Variants in PCDHGB7 observed in about 807,000 individuals in gnomAD.
PCDHGB7 encodes the protein protocadherin gamma subfamily B, 7.
A neutral mutation model predicts 61.4 loss-of-function variants in PCDHGB7; 37 were observed. The ratio of observed to expected loss-of-function variants is 0.60; its 90% CI spans 0.46 to 0.79. The LOEUF is 0.79. PCDHGB7 is among the 30% of genes least tolerant of loss of function. PCDHGB7 has a pLI of 0.00. For synonymous variants in PCDHGB7, 464 were observed against 503.5 expected (o/e 0.92, Z 1.05); for missense variants, 1,166 against 1,202.5 (o/e 0.97, Z 0.45).
intron 3 of PCDHGB7, among the ~76,000 whole-genome samples, chr5:141,510,518 GC>G (rs2099881500): frequency 6.6e-6 from 1 of 152,112 alleles, no homozygotes; most frequent in Non-Finnish European, 1.5e-5. Context: ...CCGTGTCACA[GC>G]CCTGAGAGAA....
chr5:141,494,142 A>G (rs2099752161), intron 1 of PCDHGB7, among the ~76,000 whole-genome samples: 1 of 152,090 alleles, frequency 6.6e-6, no homozygotes, highest in South Asian at 2.1e-4. Context: ...TTAGTCACAG[A>G]CCATTGTCTG....
Position 141,487,781 on chromosome 5 carries a change from G to T in PCDHGB7, c.2416-7026G>T. ...AGACGCTGTGCTTTGTAACTGTTTC[G>T]TGAATTAACCAGAGTTGTCACAGTT... On this transcript the variant is annotated intron_variant, in intron 1 of 3. Transcript: ENST00000398594. This position sits in a 1 kb window ranked among gnomAD's most constrained non-coding sequence, Gnocchi z 5.0. 2 of 1,526,850 alleles carry T rather than the reference G, an allele frequency of 1.3e-6. No homozygotes were observed. The highest frequency in any genetic ancestry group is 8.8e-7 in the Non-Finnish European group (1 of 1,130,880). The allele number at this position is 1,526,850 out of a possible 1,614,324, so 94.6% of individuals were successfully genotyped here. A position where few individuals can be genotyped will look rare whatever the true frequency, so the allele number is the denominator to read the frequency against.
rs556656447 is a variant in PCDHGB7 at position 141,500,319 on chromosome 5, C to CT, written c.2475-5073dup. Among the ~76,000 whole-genome samples the CT allele has an allele frequency of 2.6e-5, 4 of 152,122 alleles. No homozygotes were observed. The South Asian group carries it at 8.3e-4, about 32-fold the overall frequency. Reference sequence around the variant, plus strand: ...CGCCTCCCAGGTTCACGCCATGCTCCTGCCTCAGCCTCCAGAATAGCTGGG... The same window carrying CT: ...CGCCTCCCAGGTTCACGCCATGCTCCTTGCCTCAGCCTCCAGAATAGCTGGG... On this transcript the variant is annotated intron_variant, in intron 2 of 3. Coordinates refer to ENST00000398594, the MANE Select transcript of PCDHGB7 (RefSeq NM_018927.4).
At position 141,485,222 on chromosome 5, in the gene PCDHGB7, C is replaced by T; in HGVS notation, c.2416-9585C>T. On this transcript the variant is annotated intron_variant, in intron 1 of 3. Transcript: ENST00000398594. The surrounding 1 kb of genome is among the most constrained non-coding windows in gnomAD (Gnocchi z 5.7). The stretch of plus-strand genomic sequence containing the variant: ...GACAGAAATCTGGCGGTGGGCTACC[C>T]TTTTGTTCCTCTTTTACCACCTGGG... 4 of 1,614,196 alleles carry T rather than the reference C, an allele frequency of 2.5e-6. No homozygotes were observed. Among genetic ancestry groups the T allele is most frequent in the Non-Finnish European group, 2.5e-6 (3 of 1,180,020 alleles).
chr5:141,478,358 C>G, intron 1 of PCDHGB7: 1 of 1,613,738 alleles, frequency 6.2e-7, no homozygotes, highest in South Asian at 1.1e-5. Flanking sequence ...GGACGCCGTG[C>G]GGGGAGGCCT....
rs376415955 is a variant in PCDHGB7, at chr5:141,432,082, C to T, written c.2415+11808C>T. ...CCACGGAAACTCATATCTCGCTGAACGTGGCAGACACCAACGACAACCCGC... is the reference window on the plus strand; with the variant it reads ...CCACGGAAACTCATATCTCGCTGAATGTGGCAGACACCAACGACAACCCGC... On this transcript the variant is annotated intron_variant, in intron 1 of 3. Transcript: ENST00000398594. This position sits in a 1 kb window ranked among gnomAD's most constrained non-coding sequence, Gnocchi z 6.0. The T allele has an allele frequency of 3.1e-6, 5 of 1,614,184 alleles. No homozygotes were observed. Among genetic ancestry groups the T allele is most frequent in the Non-Finnish European group, 4.2e-6 (5 of 1,180,028 alleles).
intron 1 of PCDHGB7, among the ~76,000 whole-genome samples, chr5:141,453,999 A>C (rs1561953352): frequency 6.6e-6 from 1 of 152,258 alleles, no homozygotes; most frequent in South Asian, 2.1e-4. Flanking sequence ...ATAAACCCAC[A>C]TAACATTTTA....
chr5:141,442,119 C>T (rs563017984), intron 1 of PCDHGB7: 1 of 166,262 alleles, frequency 6.0e-6, no homozygotes, highest in African/African-American at 2.4e-5. Context: ...CCCCTCGTCG[C>T]CGACAGCCTG....
rs1374646530 is a variant in PCDHGB7, at chr5:141,431,339, T to C, written c.2415+11065T>C. ...AGCCGACGGTAGTAAGTACCCCGAA[T>C]TGGTGCTGAAACGCGCCCTGGACCG... On this transcript the variant is annotated intron_variant, in intron 1 of 3. Coordinates refer to ENST00000398594, the MANE Select transcript of PCDHGB7 (RefSeq NM_018927.4). This position sits in a 1 kb window ranked among gnomAD's most constrained non-coding sequence, Gnocchi z 4.8. 1 of 1,614,060 alleles carries C rather than the reference T, an allele frequency of 6.2e-7. No individual in the cohort carries two copies. The highest frequency in any genetic ancestry group is 8.5e-7 in the Non-Finnish European group (1 of 1,180,024).
intron 1 of PCDHGB7, chr5:141,441,667 A>C: frequency 3.7e-6 from 1 of 267,984 alleles, no homozygotes; most frequent in Non-Finnish European, 7.4e-6. Flanking sequence ...TTGAGCGCAC[A>C]GTGCGCCTTC....
In PCDHGB7 at chr5:141,485,429, A is replaced by T. The variant is rs1388904857; in HGVS notation, c.2416-9378A>T. On this transcript the variant is annotated intron_variant, in intron 1 of 3. Transcript: ENST00000398594. This position sits in a 1 kb window ranked among gnomAD's most constrained non-coding sequence, Gnocchi z 5.7. Reference sequence around the variant, plus strand: ...GGATTTGGACAGCGGAGCCCTGCTCATCAAGAACCCAATCGACCGAGAGGC... The same window carrying T: ...GGATTTGGACAGCGGAGCCCTGCTCTTCAAGAACCCAATCGACCGAGAGGC... The T allele has an allele frequency of 6.2e-7, 1 of 1,614,090 alleles. No homozygotes were observed. Among genetic ancestry groups the T allele is most frequent in the Non-Finnish European group, 8.5e-7 (1 of 1,180,052 alleles).
chr5:141,418,393 C>A lies in PCDHGB7; in HGVS notation c.534C>A (p.Phe178Leu). The A allele has an allele frequency of 6.2e-7, 1 of 1,613,984 alleles. No homozygotes were observed. The highest frequency in any genetic ancestry group is 8.5e-7 in the Non-Finnish European group (1 of 1,179,890). ...ACCAACTAAGTCCTAACGAGTATTTCTCATTGGTGGAGAAAGACAATCCTG... is the reference window on the plus strand; with the variant it reads ...ACCAACTAAGTCCTAACGAGTATTTATCATTGGTGGAGAAAGACAATCCTG... ...SKYQLSPNEY[F>L]SLVEKDNPDG... The change falls in exon 1 of 4, where the codon TTC becomes TTA. Residue 178 changes from phenylalanine (F) to leucine (L), a missense_variant. Physicochemically the swap from Phe to Leu is conservative, Grantham distance 22 (BLOSUM62 0). Transcript: ENST00000398594.
chr5:141,484,512 G>A (rs1178383152), intron 1 of PCDHGB7, among the ~76,000 whole-genome samples: 47 of 152,196 alleles, frequency 3.1e-4, no homozygotes, highest in Non-Finnish European at 4.0e-4. Context: ...TTCTGCAGAA[G>A]GGCAGAGTTT....
At chr5:141,479,855 C>T (rs1330076788) in intron 1 of PCDHGB7, among the ~76,000 whole-genome samples, 2 of 152,128 alleles carry the variant, frequency 1.3e-5, no homozygotes, top group Non-Finnish European at 2.9e-5. Context: ...ACTGCAAGGC[C>T]TTTGCCCTGG....
chr5:141,507,570 G>A (rs562674847), intron 3 of PCDHGB7, among the ~76,000 whole-genome samples: 1 of 152,366 alleles, frequency 6.6e-6, no homozygotes, highest in South Asian at 2.1e-4. Flanking sequence ...CTGGGTCTGA[G>A]GAGATGCCAA....
At position 141,490,341 on chromosome 5, in the gene PCDHGB7, A is replaced by C. The variant is rs778299384; in HGVS notation, c.2416-4466A>C. ...TCCTAGAGAGCACACCAGTGGGCACAGTAGTGGGGTTGTTTAATGTGCGAG... is the reference window on the plus strand; with the variant it reads ...TCCTAGAGAGCACACCAGTGGGCACCGTAGTGGGGTTGTTTAATGTGCGAG... On this transcript the variant is annotated intron_variant, in intron 1 of 3. Coordinates refer to ENST00000398594, the MANE Select transcript of PCDHGB7 (RefSeq NM_018927.4). This position sits in a 1 kb window ranked among gnomAD's most constrained non-coding sequence, Gnocchi z 5.4. The C allele has an allele frequency of 5.0e-6, 8 of 1,614,204 alleles. No homozygotes were observed. The South Asian group carries it at 8.8e-5, about 18-fold the overall frequency.
At chr5:141,484,404 G>C (rs1333849091) in intron 1 of PCDHGB7, among the ~76,000 whole-genome samples, 3 of 152,174 alleles carry the variant, frequency 2.0e-5, no homozygotes, top group Non-Finnish European at 4.4e-5. Flanking sequence ...GGTTTCCGCT[G>C]TGTCTCCTGT....
rs762312563 is a variant in PCDHGB7 at position 141,493,182 on chromosome 5, A to G, written c.2416-1625A>G. Among the ~76,000 whole-genome samples, 1 of 152,232 alleles carries G rather than the reference A, an allele frequency of 6.6e-6. No homozygotes were observed. The highest frequency in any genetic ancestry group is 2.4e-5 in the African/African-American group (1 of 41,460). The stretch of plus-strand genomic sequence containing the variant: ...TAGCTGATTGAGAGAAACTTACTAT[A>G]TAACTCCTTTGAGAACCTCATCTCA... On this transcript the variant is annotated intron_variant, in intron 1 of 3. Coordinates refer to ENST00000398594, the MANE Select transcript of PCDHGB7 (RefSeq NM_018927.4). The surrounding 1 kb of genome is among the most constrained non-coding windows in gnomAD (Gnocchi z 4.3).
chr5:141,454,489 C>T (rs1450435753), intron 1 of PCDHGB7, among the ~76,000 whole-genome samples: 1 of 152,222 alleles, frequency 6.6e-6, no homozygotes, highest in African/African-American at 2.4e-5. Flanking sequence ...TCACCGCAAC[C>T]TCCACCTCCT....
Sources: gnomAD v4.1 joint callset for allele counts (sites outside exome capture counted in the v4.1 genomes callset) on GRCh38, gnomAD v4.1.1 for gene constraint, Gnocchi (gnomAD v3.1) non-coding constraint, MANE v1.5 for transcripts, NCBI Gene and HGNC (gene_info 2026-07-23, HGNC 2026-07-21) for gene names.